The following DOCK1 variants were observed in gnomAD, a reference collection of about 807,000 sequenced individuals.
DOCK1 encodes dedicator of cytokinesis protein 1.
DOCK1 carries 138 observed loss-of-function variants against 262.7 expected under a neutral mutation model. That is an observed-to-expected ratio of 0.53 (90% CI 0.46 to 0.61). The LOEUF is 0.61. Among genes scored for constraint, DOCK1 ranks in the 20% least tolerant of loss-of-function variants. DOCK1 has a pLI of 0.00. For synonymous variants in DOCK1, 866 were observed against 867.4 expected (o/e 1.00, Z 0.03); for missense variants, 1,908 against 2,370.7 (o/e 0.80, Z 4.05).
chr10:127,354,600 A>G, intron 31 of DOCK1, 69 bp from the exon 32 acceptor site: 3 of 1,595,564 alleles, frequency 1.9e-6, no homozygotes, highest in Non-Finnish European at 2.6e-6. Flanking sequence ...TGCACTTAAA[A>G]ATAATTCCAG....
chr10:127,421,057 C>G (rs186033405), intron 46 of DOCK1, among the ~76,000 whole-genome samples: 1 of 152,072 alleles, frequency 6.6e-6, no homozygotes, highest in East Asian at 2.0e-4. Flanking sequence ...GCTGGGACTG[C>G]AAGTGTGCAC....
chr10:127,175,067 C>T lies in DOCK1; in HGVS notation c.2847+47303C>T. 2 of 701,108 alleles carry T rather than the reference C, an allele frequency of 2.9e-6. No individual in the cohort carries two copies. Among genetic ancestry groups the T allele is most frequent in the East Asian group, 5.0e-5 (2 of 39,958 alleles). 43.4% of individuals were successfully genotyped at this position (701,108 alleles called of 1,614,324 possible). ...AGTATCATAAAATAATCTGCGACCC[C>T]TTGGAGCTCGCCACGCCCTTAGACT... On this transcript the variant is annotated intron_variant, in intron 27 of 51. Transcript: ENST00000623213. This position sits in a 1 kb window ranked among gnomAD's most constrained non-coding sequence, Gnocchi z 6.3.
chr10:127,447,030 C>T (rs1010737879), intron 50 of DOCK1, among the ~76,000 whole-genome samples: 1 of 152,174 alleles, frequency 6.6e-6, no homozygotes, highest in South Asian at 2.1e-4. Context: ...GCAGCAGCAG[C>T]GGAGACGGTC....
At chr10:127,148,289 A>C (rs1428355269) in intron 27 of DOCK1, among the ~76,000 whole-genome samples, 2 of 152,212 alleles carry the variant, frequency 1.3e-5, no homozygotes, top group East Asian at 3.9e-4. Context: ...TGAAGCAGAC[A>C]CAGCGTGCTC....
chr10:127,003,640 T>TG (rs1591607497), intron 10 of DOCK1, among the ~76,000 whole-genome samples: 1 of 152,164 alleles, frequency 6.6e-6, no homozygotes. Context: ...TTCCTAGCCC[T>TG]GCTCAGCTGG....
intron 29 of DOCK1, among the ~76,000 whole-genome samples, chr10:127,262,002 ATC>A (rs1425965447): frequency 3.9e-5 from 3 of 77,036 alleles, no homozygotes; most frequent in Non-Finnish European, 7.3e-5. Context: ...ACCCATGCTC[ATC>A]TGTTTGTGTA....
chr10:127,122,461 T>C (rs892585861), intron 25 of DOCK1, among the ~76,000 whole-genome samples: 2 of 152,002 alleles, frequency 1.3e-5, no homozygotes, highest in African/African-American at 4.8e-5. Flanking sequence ...CACTGAGGCA[T>C]GTTGGATGGC....
chr10:127,297,054 C>G (rs527613133), intron 29 of DOCK1, among the ~76,000 whole-genome samples: 3 of 152,230 alleles, frequency 2.0e-5, no homozygotes, highest in Non-Finnish European at 4.4e-5. Flanking sequence ...CCCAGTTCAT[C>G]AGCATCAGCC....
intron 29 of DOCK1, among the ~76,000 whole-genome samples, chr10:127,312,691 C>T (rs186481294): frequency 7.9e-5 from 12 of 152,120 alleles, no homozygotes; most frequent in Non-Finnish European, 1.2e-4. Flanking sequence ...GCCTGTCCCT[C>T]CTCTATTTAC....
intron 27 of DOCK1, among the ~76,000 whole-genome samples, chr10:127,219,793 A>G (rs2058355106): frequency 6.6e-6 from 1 of 151,962 alleles, no homozygotes; most frequent in African/African-American, 2.4e-5. Context: ...GACCCTGCCC[A>G]TGGAGCTCTA....
chr10:127,096,329 G>A (rs1315262368), intron 23 of DOCK1, among the ~76,000 whole-genome samples: 1 of 152,066 alleles, frequency 6.6e-6, no homozygotes, highest in South Asian at 2.1e-4. Context: ...ACTGGTCTTG[G>A]TGCATTTTCC....
chr10:127,406,196 T>C (rs535754550), intron 40 of DOCK1, among the ~76,000 whole-genome samples: 4 of 152,234 alleles, frequency 2.6e-5, no homozygotes, highest in African/African-American at 9.6e-5. Context: ...AGGCACCAAC[T>C]CTGGATCCGT....
At chr10:127,165,345 A>C (rs1256734924) in intron 27 of DOCK1, among the ~76,000 whole-genome samples, 2 of 152,192 alleles carry the variant, frequency 1.3e-5, no homozygotes, top group African/African-American at 4.8e-5. Context: ...CAAATGTCTC[A>C]GAGCTCTTGT....
intron 23 of DOCK1, among the ~76,000 whole-genome samples, chr10:127,080,134 T>C (rs1446438919): frequency 6.6e-6 from 1 of 152,072 alleles, no homozygotes; most frequent in African/African-American, 2.4e-5. Flanking sequence ...GATTAAGTCA[T>C]TGATGGCATG....
intron 29 of DOCK1, among the ~76,000 whole-genome samples, chr10:127,299,732 T>G (rs1053531360): frequency 1.8e-4 from 27 of 152,184 alleles, no homozygotes; most frequent in African/African-American, 6.3e-4. Context: ...TCTCTCCGTG[T>G]GACTGGTTAA....
At chr10:127,182,435 A>T (rs771804363) in intron 27 of DOCK1, among the ~76,000 whole-genome samples, 1 of 152,160 alleles carries the variant, frequency 6.6e-6, no homozygotes, top group African/African-American at 2.4e-5. Context: ...CTTGGTGCTC[A>T]TGTTTTAAAA....
In DOCK1 at chr10:126,917,855, C is replaced by T. The variant is rs547000919; in HGVS notation, c.46+12292C>T. Reference sequence around the variant, plus strand: ...GGTCAGGGTCGAGGACATTAGAGGCCTGTCTCCCCCAGGCGCATAAAGCTG... The same window carrying T: ...GGTCAGGGTCGAGGACATTAGAGGCTTGTCTCCCCCAGGCGCATAAAGCTG... On this transcript the variant is annotated intron_variant, in intron 1 of 51. Transcript: ENST00000623213. Among the ~76,000 whole-genome samples, 3 of 152,250 alleles carry T rather than the reference C, an allele frequency of 2.0e-5. No homozygotes were observed. The South Asian group carries it at 6.2e-4, about 32-fold the overall frequency.
chr10:127,137,324 A>T (rs1355094524), intron 27 of DOCK1: 1 of 153,204 alleles, frequency 6.5e-6, no homozygotes, highest in Middle Eastern at 3.2e-3. Context: ...GACCACTTGA[A>T]AAAATTGTGC....
intron 29 of DOCK1, among the ~76,000 whole-genome samples, chr10:127,299,349 C>CT (rs1298652881): frequency 1.3e-5 from 2 of 152,232 alleles, no homozygotes; most frequent in African/African-American, 4.8e-5. Flanking sequence ...GATGATCCAC[C>CT]TGCCTCGGCC....
Sources: gnomAD v4.1 joint callset for allele counts (sites outside exome capture counted in the v4.1 genomes callset) on GRCh38, gnomAD v4.1.1 for gene constraint, Gnocchi (gnomAD v3.1) non-coding constraint, MANE v1.5 for transcripts, NCBI Gene and HGNC (gene_info 2026-07-23, HGNC 2026-07-21) for gene names.